RASSF8: variants seen among roughly 807,000 people sequenced by gnomAD.
RASSF8 encodes Ras association domain family member 8, also known as ras association domain-containing protein 8.
In RASSF8, 22 loss-of-function variants were observed where a neutral mutation model predicts 48.5. The ratio of observed to expected loss-of-function variants is 0.45; its 90% CI spans 0.32 to 0.65. The LOEUF (loss-of-function observed/expected upper bound fraction) is 0.65. RASSF8 is among the 30% of genes least tolerant of loss of function. RASSF8 has a pLI of 0.03. For synonymous variants in RASSF8, 127 were observed against 171.5 expected (o/e 0.74, Z 2.03); for missense variants, 418 against 489.2 (o/e 0.85, Z 1.37).
intron 1 of RASSF8, among the ~76,000 whole-genome samples, chr12:25,976,453 T>G (rs551911641): frequency 5.9e-5 from 9 of 152,350 alleles, no homozygotes; most frequent in South Asian, 4.1e-4. Context: ...ATTGGTTGCT[T>G]CTTCTTTTGC....
At chr12:26,049,087 C>G (rs190889219) in intron 2 of RASSF8, among the ~76,000 whole-genome samples, 1 of 152,288 alleles carries the variant, frequency 6.6e-6, no homozygotes, top group Non-Finnish European at 1.5e-5. Flanking sequence ...GTATGGTGTT[C>G]TGGGCTTAAA....
chr12:26,022,419 A>G (rs1335165140), intron 2 of RASSF8, among the ~76,000 whole-genome samples: 3 of 152,224 alleles, frequency 2.0e-5, no homozygotes, highest in Non-Finnish European at 2.9e-5. Context: ...GATTAAATAC[A>G]TTACCTAAAA....
intron 1 of RASSF8, among the ~76,000 whole-genome samples, chr12:25,986,288 A>G (rs1941873493): frequency 6.6e-6 from 1 of 152,190 alleles, no homozygotes; most frequent in East Asian, 1.9e-4. Context: ...ACAATTTTTA[A>G]AAGACACACC....
chr12:26,075,659 C>A (rs1223154752), downstream of RASSF8, among the ~76,000 whole-genome samples: 1 of 152,150 alleles, frequency 6.6e-6, no homozygotes, highest in Non-Finnish European at 1.5e-5. Context: ...TCCGTGTACA[C>A]AAAGTCAATA....
chr12:26,079,805 C>T (rs926462529), exon 6 of RASSF8: 2 of 151,980 alleles, frequency 1.3e-5, no homozygotes, highest in African/African-American at 4.8e-5. Flanking sequence ...TTTTTGTATA[C>T]TGTTGGTGGG....
At chr12:25,983,804 T>C in intron 1 of RASSF8, among the ~76,000 whole-genome samples, 1 of 152,124 alleles carries the variant, frequency 6.6e-6, no homozygotes, top group East Asian at 1.9e-4. Context: ...CTAAAAATAG[T>C]GAACAACCAG....
chr12:26,070,890 T>G lies in RASSF8; in HGVS notation c.*2072T>G, dbSNP rs1283971830. ...AACACTGTCAATATCCAACTCATTA[T>G]AAATTGTTATCAGAATTAACCTAAT... On this transcript the variant is annotated 3_prime_UTR_variant, in exon 6 of 6. Transcript: ENST00000689635. 4.1e-6 allele frequency: 4 copies of G among 984,902 alleles called. No individual in the cohort carries two copies. Among genetic ancestry groups the G allele is most frequent in the African/African-American group, 1.7e-5 (1 of 57,232 alleles). 61.0% of individuals were successfully genotyped at this position (984,902 alleles called of 1,614,324 possible).
intron 1 of RASSF8, among the ~76,000 whole-genome samples, chr12:25,962,370 C>A (rs985817748): frequency 6.6e-6 from 1 of 152,158 alleles, no homozygotes. Context: ...TATCGTCATG[C>A]GAATTAAATG....
rs181119306 is a variant in RASSF8 at position 26,011,297 on chromosome 12, A to T, written c.-109+16167A>T. On this transcript the variant is annotated intron_variant, in intron 2 of 5. Transcript: ENST00000689635. ...TCCCCATTGAAAATAGTAGGTACTGACTGTAGCCAGGATTGCATAATAGGT... is the reference window on the plus strand; with the variant it reads ...TCCCCATTGAAAATAGTAGGTACTGTCTGTAGCCAGGATTGCATAATAGGT... Among the ~76,000 whole-genome samples the T allele has an allele frequency of 2.8e-3, 433 of 152,264 alleles. 1 individual carries two copies. Among genetic ancestry groups the T allele is most frequent in the Non-Finnish European group, 5.0e-3 (340 of 68,016 alleles).
intron 1 of RASSF8, among the ~76,000 whole-genome samples, chr12:25,990,251 C>A (rs185347925): frequency 6.6e-6 from 1 of 152,246 alleles, no homozygotes; most frequent in Admixed American, 6.5e-5. Context: ...CCTGGATATC[C>A]ACCAGCCATT....
chr12:25,970,975 G>A (rs370537886), intron 1 of RASSF8, among the ~76,000 whole-genome samples: 6 of 152,130 alleles, frequency 3.9e-5, no homozygotes, highest in African/African-American at 1.4e-4. Flanking sequence ...GGAGGTGATC[G>A]TGCCTTCCTT....
At chr12:26,019,755 C>A (rs1942744475) in intron 2 of RASSF8, among the ~76,000 whole-genome samples, 1 of 151,720 alleles carries the variant, frequency 6.6e-6, no homozygotes. Context: ...ATATTGTAGC[C>A]CCAGTAGGAG....
At chr12:26,047,539 T>C (rs898099474) in intron 2 of RASSF8, among the ~76,000 whole-genome samples, 2 of 152,238 alleles carry the variant, frequency 1.3e-5, no homozygotes, top group Non-Finnish European at 2.9e-5. Flanking sequence ...CACCTGTGCA[T>C]GGGACCTTGA....
Position 26,067,634 on chromosome 12 carries a change from C to T in RASSF8, c.1059C>T (p.Ile353=). The change falls in exon 5 of 6, where the codon ATC becomes ATT. Residue 353 remains isoleucine (I), a synonymous_variant. Coordinates refer to ENST00000689635, the MANE Select transcript of RASSF8 (RefSeq NM_001394098.1). Reference sequence around the variant, plus strand: ...GGCAAGTCAATCTCCAGCAGTTCATCCAGCAGACAGGGACAAAAGTTACCG... The same window carrying T: ...GGCAAGTCAATCTCCAGCAGTTCATTCAGCAGACAGGGACAAAAGTTACCG... ...ELRQVNLQQF[I]QQTGTKVTVL... 1 of 1,614,046 alleles carries T rather than the reference C, an allele frequency of 6.2e-7. No individual in the cohort carries two copies. The highest frequency in any genetic ancestry group is 8.5e-7 in the Non-Finnish European group (1 of 1,179,958).
intron 1 of RASSF8, among the ~76,000 whole-genome samples, chr12:25,973,036 T>A (rs706531): frequency 0.084 from 12,748 of 152,142 alleles, 871 homozygotes; most frequent in East Asian, 0.27. Flanking sequence ...TTCTTTTTTT[T>A]ATGGATGACT....
intron 1 of RASSF8, among the ~76,000 whole-genome samples, chr12:25,971,499 T>A (rs1430599743): frequency 6.6e-6 from 1 of 152,196 alleles, no homozygotes; most frequent in African/African-American, 2.4e-5. Context: ...TCTTCTGTGT[T>A]CTGGTCGGTC....
At chr12:26,017,013 A>AT (rs1176742657) in intron 2 of RASSF8, among the ~76,000 whole-genome samples, 1 of 151,856 alleles carries the variant, frequency 6.6e-6, no homozygotes. Flanking sequence ...TTCCACTGGA[A>AT]TTTTTTTTCC....
At chr12:25,993,012 T>C (rs1405405394) in intron 1 of RASSF8, among the ~76,000 whole-genome samples, 3 of 152,154 alleles carry the variant, frequency 2.0e-5, no homozygotes, top group Middle Eastern at 3.4e-3. Context: ...ATTGAGTAGT[T>C]AGGAGGTTGT....
At chr12:25,962,128 G>A (rs1271810124) in intron 1 of RASSF8, among the ~76,000 whole-genome samples, 5 of 152,120 alleles carry the variant, frequency 3.3e-5, no homozygotes, top group South Asian at 4.1e-4. Context: ...TTATTTTTGG[G>A]ATAAGATACC....
Sources: allele counts gnomAD v4.1 joint callset (sites outside exome capture counted in the v4.1 genomes callset), GRCh38; gene constraint gnomAD v4.1.1; transcripts MANE v1.5; gene names NCBI Gene and HGNC (gene_info 2026-07-23, HGNC 2026-07-21).